The following TPM1 variants were observed in gnomAD, a reference collection of about 807,000 sequenced individuals.
TPM1 encodes tropomyosin 1.
TPM1 carries 24 observed loss-of-function variants against 42.9 expected under a neutral mutation model. That is an observed-to-expected ratio of 0.56 (90% CI 0.41 to 0.79). The LOEUF is 0.79. Ranked by LOEUF, TPM1 falls within the 30% of genes least tolerant of loss-of-function variation. The pLI is 0.00. For missense variants in TPM1, 158 were observed against 351.8 expected (o/e 0.45, Z 4.41); for synonymous variants, 136 against 130.1 (o/e 1.05, Z -0.31).
downstream of TPM1, chr15:63,069,880 C>G: frequency 1.2e-6 from 2 of 1,614,112 alleles, no homozygotes; most frequent in Non-Finnish European, 1.7e-6. Context: ...ATCAACTCTA[C>G]CAGCAACTTG....
At chr15:63,058,265 G>A (rs1210020191) in intron 3 of TPM1, among the ~76,000 whole-genome samples, 2 of 152,112 alleles carry the variant, frequency 1.3e-5, no homozygotes, top group Admixed American at 6.5e-5. Context: ...GGAGTAAAGG[G>A]GACTTGGGGA....
In TPM1 at chr15:63,043,708, C is replaced by G. The variant is rs201720832; in HGVS notation, c.115-319C>G. On this transcript the variant is annotated intron_variant, in intron 1 of 9. Coordinates refer to ENST00000403994, the MANE Select transcript of TPM1 (RefSeq NM_001018005.2). Reference sequence around the variant, plus strand: ...CGCCCGCCCGCCGCTGCCCCCAGCTCGAGGAGGACATCGCGGCCAAGGAGA... The same window carrying G: ...CGCCCGCCCGCCGCTGCCCCCAGCTGGAGGAGGACATCGCGGCCAAGGAGA... The G allele has an allele frequency of 1.2e-3, 1,804 of 1,546,258 alleles. 23 individuals are homozygous for G. The East Asian group carries it at 0.015, about 13-fold the overall frequency.
At chr15:63,063,338 G>A (rs761146266) in intron 8 of TPM1, 171 of 985,336 alleles carry the variant, frequency 1.7e-4, no homozygotes, top group Non-Finnish European at 2.0e-4. Flanking sequence ...AAATAGTGGA[G>A]AAGAGAGAAT....
chr15:63,061,955 T>G, intron 6 of TPM1, 167 bp downstream of exon 6: 2 of 698,106 alleles, frequency 2.9e-6, no homozygotes, highest in Non-Finnish European at 4.9e-6. Context: ...ACTAGAGAAT[T>G]TATTTTATGT....
chr15:63,043,488 A>T (rs753145622), intron 1 of TPM1: 5 of 750,014 alleles, frequency 6.7e-6, no homozygotes, highest in South Asian at 1.5e-5. Context: ...GCCCGCTGAG[A>T]CCTCGGCAGG....
chr15:63,061,890 G>T, intron 6 of TPM1, 102 bp downstream of exon 6: 3 of 1,053,054 alleles, frequency 2.8e-6, no homozygotes. Flanking sequence ...TAGTAAAATG[G>T]CAATATTGTG....
intron 1 of TPM1, chr15:63,043,529 G>A: frequency 9.9e-7 from 1 of 1,013,738 alleles, no homozygotes; most frequent in East Asian, 2.6e-5. Flanking sequence ...GGGTGTGCGG[G>A]GTGAGCCGCG....
chr15:63,059,585 C>A lies in TPM1; in HGVS notation c.397C>A (p.Arg133=). Residue 133 remains arginine, a synonymous_variant, in exon 4 of 10, where the codon CGA becomes AGA. Transcript: ENST00000403994. ...SERGMKVIES[R]AQKDEEKMEI... ...CAGAGGCATGAAAGTCATTGAGAGT[C>A]GAGCCCAAAAAGATGAAGAAAAAAT... 1.9e-6 allele frequency: 3 copies of A among 1,610,616 alleles called. No individual in the cohort carries two copies. In the South Asian group the frequency reaches 3.3e-5, roughly 18 times the overall value.
downstream of TPM1, chr15:63,069,977 G>A: frequency 6.2e-7 from 1 of 1,613,596 alleles, no homozygotes; most frequent in Non-Finnish European, 8.5e-7. Context: ...CTGAATTCTA[G>A]GCGTGGAGCC....
intron 2 of TPM1, chr15:63,056,395 A>G (rs7166624): frequency 0.8 from 126,091 of 157,474 alleles, 50,808 homozygotes; most frequent in East Asian, 1. Context: ...GGCCGGGCGC[A>G]GTGGCTCACG....
intron 2 of TPM1, chr15:63,047,911 T>A: frequency 4.9e-6 from 1 of 205,728 alleles, no homozygotes; most frequent in Non-Finnish European, 1.0e-5. Context: ...GGAGCCAGAG[T>A]CAACCTAGGA....
chr15:63,065,130 G>T, intron 9 of TPM1: 2 of 985,502 alleles, frequency 2.0e-6, no homozygotes, highest in African/African-American at 3.5e-5. Context: ...GTGAGCTTGG[G>T]AGTTAATGGC....
At chr15:63,052,133 C>CAGTA (rs1555406122) in intron 2 of TPM1, among the ~76,000 whole-genome samples, 1,901 of 151,694 alleles carry the variant, frequency 0.013, 19 homozygotes, top group Middle Eastern at 0.065. Context: ...TTGAGTAGTT[C>CAGTA]ATTGTTAGAA....
At chr15:63,056,348 G>C (rs1399303637) in intron 2 of TPM1, 1 of 153,128 alleles carries the variant, frequency 6.5e-6, no homozygotes, top group East Asian at 1.9e-4. Context: ...TTGTTTAACA[G>C]GCAAGTAAAG....
At chr15:63,055,885 G>T (rs1288302496) in intron 2 of TPM1, 1 of 152,136 alleles carries the variant, frequency 6.6e-6, no homozygotes, top group Non-Finnish European at 1.5e-5. Context: ...AATTTCTTAT[G>T]ACAGGAAAAA....
chr15:63,053,178 C>T lies in TPM1; in HGVS notation c.241-3807C>T, dbSNP rs1427998588. Among the ~76,000 whole-genome samples, 4 of 152,160 alleles carry T rather than the reference C, an allele frequency of 2.6e-5. No individual in the cohort carries two copies. In the East Asian group the frequency reaches 7.7e-4, roughly 29 times the overall value. ...CATTAGCATTGTTTTATGAAGTTTTCAATTTTATATCCTGCCTCATTTCAA... is the reference window on the plus strand; with the variant it reads ...CATTAGCATTGTTTTATGAAGTTTTTAATTTTATATCCTGCCTCATTTCAA... On this transcript the variant is annotated intron_variant, in intron 2 of 9. Transcript: ENST00000403994.
chr15:63,043,163 G>T (rs537474743), intron 1 of TPM1: 19 of 577,894 alleles, frequency 3.3e-5, no homozygotes, highest in Non-Finnish European at 5.6e-5. Flanking sequence ...CCCTTCTCTG[G>T]TTCCCATGGC....
intron 2 of TPM1, chr15:63,048,256 G>A (rs2032861543): frequency 1.9e-6 from 1 of 525,254 alleles, no homozygotes; most frequent in African/African-American, 2.0e-5. Flanking sequence ...GGAGCGCCCA[G>A]CTCACCAGGT....
intron 2 of TPM1, among the ~76,000 whole-genome samples, chr15:63,051,469 G>A (rs937993812): frequency 1.5e-5 from 2 of 133,830 alleles, no homozygotes; most frequent in Non-Finnish European, 1.6e-5. Context: ...ATAAATTATG[G>A]GCTTTGGCAC....
Sources: gnomAD v4.1 joint callset for allele counts (sites outside exome capture counted in the v4.1 genomes callset) on GRCh38, gnomAD v4.1.1 for gene constraint, MANE v1.5 for transcripts, NCBI Gene and HGNC (gene_info 2026-07-23, HGNC 2026-07-21) for gene names.